The following TEC variants were observed in gnomAD, a reference collection of about 807,000 sequenced individuals.
TEC encodes tec protein tyrosine kinase, also known as tyrosine-protein kinase Tec.
TEC carries 72 observed loss-of-function variants against 93.0 expected under a neutral mutation model. The observed-to-expected ratio is 0.77, with a 90% CI of 0.64 to 0.94. TEC has a LOEUF of 0.94. TEC is among the 40% of genes least tolerant of loss of function. TEC has a pLI of 0.00. For missense variants in TEC, 630 were observed against 757.9 expected (o/e 0.83, Z 1.98); for synonymous variants, 249 against 247.7 (o/e 1.01, Z -0.05).
intron 1 of TEC, among the ~76,000 whole-genome samples, chr4:48,248,612 T>A (rs11726643): frequency 0.12 from 17,908 of 152,238 alleles, 1,291 homozygotes; most frequent in East Asian, 0.24. Flanking sequence ...GGTTTTCTGG[T>A]TTGGGACTAA....
intron 1 of TEC, among the ~76,000 whole-genome samples, chr4:48,251,107 C>T (rs1274736501): frequency 6.6e-6 from 1 of 152,166 alleles, no homozygotes; most frequent in East Asian, 1.9e-4. Context: ...CTGCTAAAAT[C>T]CTCCAACGCC....
intron 9 of TEC, among the ~76,000 whole-genome samples, chr4:48,151,767 G>A (rs1251676064): frequency 2.0e-5 from 3 of 152,188 alleles, no homozygotes; most frequent in Non-Finnish European, 2.9e-5. Flanking sequence ...GATTACAGGC[G>A]TGAGCCAACA....
intron 2 of TEC, among the ~76,000 whole-genome samples, chr4:48,217,570 T>G (rs1723123029): frequency 6.6e-6 from 1 of 152,194 alleles, no homozygotes; most frequent in Non-Finnish European, 1.5e-5. Context: ...TATGGACTCT[T>G]ACATGAAATC....
intron 1 of TEC, among the ~76,000 whole-genome samples, chr4:48,238,858 T>A (rs1723856538): frequency 6.6e-6 from 1 of 152,050 alleles, no homozygotes; most frequent in Non-Finnish European, 1.5e-5. Context: ...TTCCCTGGAT[T>A]TAGGGCATTT....
chr4:48,214,622 C>T (rs2664039), intron 2 of TEC, among the ~76,000 whole-genome samples: 24,203 of 151,702 alleles, frequency 0.16, 2,912 homozygotes, highest in African/African-American at 0.32. Flanking sequence ...GAGGCCAAGG[C>T]GGGTGGATCA....
At position 48,167,766 on chromosome 4, in the gene TEC, G is replaced by A; in HGVS notation, c.671+12C>T. On this transcript the variant is annotated intron_variant, in intron 7 of 17. Coordinates refer to ENST00000381501, the MANE Select transcript of TEC (RefSeq NM_003215.3). ...ACCCACTGCATATCACACACATAGA[G>A]GGAATACTTACCCATATTTATCTCT... 1.2e-6 allele frequency: 2 copies of A among 1,612,994 alleles called. No homozygotes were observed. Among genetic ancestry groups the A allele is most frequent in the Non-Finnish European group, 1.7e-6 (2 of 1,179,252 alleles).
chr4:48,168,692 T>C, intron 5 of TEC, 66 bp from the exon 6 acceptor site: 2 of 1,550,666 alleles, frequency 1.3e-6, no homozygotes, highest in Admixed American at 3.9e-5. Context: ...AAATAAGATA[T>C]GGGTAGTTTT....
intron 2 of TEC, among the ~76,000 whole-genome samples, chr4:48,185,480 T>C (rs920573619): frequency 2.6e-5 from 4 of 152,252 alleles, no homozygotes; most frequent in Admixed American, 6.5e-5. Flanking sequence ...GAGAAACTGC[T>C]GCCTCTTTAC....
In TEC at chr4:48,165,385, G is replaced by A. The variant is rs555458732; in HGVS notation, c.672-1618C>T. Among the ~76,000 whole-genome samples, 16 of 152,288 alleles carry A rather than the reference G, an allele frequency of 1.1e-4. No homozygotes were observed. The East Asian group carries it at 3.1e-3, about 29-fold the overall frequency. ...ACTAAATGAACTGGTATATGAGGCA[G>A]TTCTTCTTTAGAGAACTACTAAATG... is the stretch of plus-strand genomic sequence containing the variant. On this transcript the variant is annotated intron_variant, in intron 7 of 17. Transcript: ENST00000381501.
intron 1 of TEC, among the ~76,000 whole-genome samples, chr4:48,232,502 T>C (rs758931437): frequency 7.2e-5 from 11 of 152,312 alleles, no homozygotes; most frequent in Non-Finnish European, 1.5e-4. Flanking sequence ...CTTACGGGCT[T>C]TCCCTATCCT....
chr4:48,146,554 T>G lies in TEC; in HGVS notation c.1007-155A>C, dbSNP rs185317941. Among the ~76,000 whole-genome samples, 62 of 152,304 alleles carry G rather than the reference T, an allele frequency of 4.1e-4. 1 individual carries two copies. The highest frequency in any genetic ancestry group is 2.4e-4 in the Non-Finnish European group (16 of 68,018). On this transcript the variant is annotated intron_variant, in intron 11 of 17. Coordinates refer to ENST00000381501, the MANE Select transcript of TEC (RefSeq NM_003215.3). The stretch of plus-strand genomic sequence containing the variant: ...GCACTCTGCTATATGCTTTTATTCA[T>G]TCAACAAACATTTTCTTTTAAATAC...
intron 1 of TEC, among the ~76,000 whole-genome samples, chr4:48,251,464 T>C (rs531334510): frequency 6.6e-6 from 1 of 152,348 alleles, no homozygotes; most frequent in African/African-American, 2.4e-5. Context: ...TGTTATCCTG[T>C]TTTAATTCTT....
intron 3 of TEC, among the ~76,000 whole-genome samples, chr4:48,174,143 T>C (rs1217347361): frequency 6.6e-6 from 1 of 152,244 alleles, no homozygotes; most frequent in Non-Finnish European, 1.5e-5. Context: ...TTTTTCAGAT[T>C]GTTTTCAAAC....
In TEC at chr4:48,200,655, T is replaced by C. The variant is rs749867657; in HGVS notation, c.139-24469A>G. On this transcript the variant is annotated intron_variant, in intron 2 of 17. Coordinates refer to ENST00000381501, the MANE Select transcript of TEC (RefSeq NM_003215.3). ...CTCCCTTTGCTACTAGGTATAGCCA[T>C]GTGGCTAAGTTCTGGTCAATGAGAT... 4.6e-5 allele frequency among the ~76,000 whole-genome samples: 7 copies of C among 152,210 alleles called. No individual in the cohort carries two copies. The South Asian group carries it at 8.3e-4, about 18-fold the overall frequency.
chr4:48,148,435 TG>T (rs1460947373), intron 11 of TEC, among the ~76,000 whole-genome samples: 1 of 152,174 alleles, frequency 6.6e-6, no homozygotes, highest in Non-Finnish European at 1.5e-5. Context: ...TATAATCCTG[TG>T]GAACTCTAAT....
chr4:48,192,322 G>A (rs940538505), intron 2 of TEC, among the ~76,000 whole-genome samples: 1 of 152,138 alleles, frequency 6.6e-6, no homozygotes, highest in Admixed American at 6.6e-5. Context: ...TCAAAAATTA[G>A]ATCAGCGATT....
intron 3 of TEC, among the ~76,000 whole-genome samples, chr4:48,174,426 A>T (rs1228990900): frequency 6.6e-6 from 1 of 152,172 alleles, no homozygotes; most frequent in Non-Finnish European, 1.5e-5. Context: ...TGGGAGGCTG[A>T]GGCAGGCAGA....
At chr4:48,228,341 A>G in intron 2 of TEC, 136 bp downstream of exon 2, 1 of 974,622 alleles carries the variant, frequency 1.0e-6, no homozygotes, top group Non-Finnish European at 1.4e-6. Context: ...TCTGAAATTC[A>G]TCTTTCAAGT....
At chr4:48,257,723 G>C (rs1186890658) in intron 1 of TEC, among the ~76,000 whole-genome samples, 2 of 152,174 alleles carry the variant, frequency 1.3e-5, no homozygotes, top group East Asian at 3.8e-4. Flanking sequence ...AATAAAGAAG[G>C]TACAAATGAA....
Sources: allele counts gnomAD v4.1 joint callset (sites outside exome capture counted in the v4.1 genomes callset), GRCh38; gene constraint gnomAD v4.1.1; transcripts MANE v1.5; gene names NCBI Gene and HGNC (gene_info 2026-07-23, HGNC 2026-07-21).